Variants in TIAM1 observed in about 807,000 individuals in gnomAD.
The protein encoded by TIAM1 is rho guanine nucleotide exchange factor TIAM1.
Under a neutral mutation model 163.5 loss-of-function variants are expected in TIAM1, and 65 were observed. The observed-to-expected ratio is 0.40, with a 90% confidence interval of 0.33 to 0.49. TIAM1 has a LOEUF of 0.49. Ranked by LOEUF, TIAM1 falls within the 20% of genes least tolerant of loss-of-function variation. The pLI, the probability that TIAM1 is intolerant of heterozygous loss-of-function variation, is 0.77. For synonymous variants in TIAM1, 833 were observed against 810.1 expected (o/e 1.03, Z -0.48); for missense variants, 1,789 against 2,044.7 (o/e 0.87, Z 2.41).
At chr21:31,208,248 A>C (rs1443217695) in intron 11 of TIAM1, among the ~76,000 whole-genome samples, 2 of 152,204 alleles carry the variant, frequency 1.3e-5, no homozygotes, top group African/African-American at 2.4e-5. Flanking sequence ...GTAATCGGAA[A>C]ACTTTGGCTT....
chr21:31,536,376 C>T (rs1255929152), intron 1 of TIAM1, among the ~76,000 whole-genome samples: 1 of 152,172 alleles, frequency 6.6e-6, no homozygotes, highest in Non-Finnish European at 1.5e-5. Flanking sequence ...GGCACCTGCC[C>T]ATGCAAGCGC....
At chr21:31,388,157 T>A (rs1382487528) in intron 2 of TIAM1, among the ~76,000 whole-genome samples, 1 of 151,038 alleles carries the variant, frequency 6.6e-6, no homozygotes, top group Non-Finnish European at 1.5e-5. Flanking sequence ...TAAAGCCCTT[T>A]TCTTAATAAA....
intron 1 of TIAM1, among the ~76,000 whole-genome samples, chr21:31,545,771 C>G (rs909043956): frequency 2.0e-5 from 3 of 152,178 alleles, no homozygotes; most frequent in African/African-American, 4.8e-5. Context: ...CATCTTTGTT[C>G]ACTCTGACAG....
chr21:31,317,409 C>T (rs1047978582), intron 2 of TIAM1, among the ~76,000 whole-genome samples: 7 of 152,034 alleles, frequency 4.6e-5, no homozygotes, highest in African/African-American at 1.4e-4. Flanking sequence ...GCCAAGATCG[C>T]GCCATTGTAC....
intron 1 of TIAM1, among the ~76,000 whole-genome samples, chr21:31,531,953 T>G (rs1004853485): frequency 1.3e-5 from 2 of 151,920 alleles, no homozygotes; most frequent in African/African-American, 4.8e-5. Context: ...CCCATCTCTA[T>G]GAAAAATTAA....
At chr21:31,235,239 A>T (rs550829724) in intron 6 of TIAM1, among the ~76,000 whole-genome samples, 2 of 152,310 alleles carry the variant, frequency 1.3e-5, no homozygotes, top group South Asian at 4.2e-4. Context: ...CCAGGAAAAT[A>T]AGCAATATGA....
chr21:31,426,540 A>G (rs1228118401), intron 2 of TIAM1, among the ~76,000 whole-genome samples: 1 of 152,236 alleles, frequency 6.6e-6, no homozygotes, highest in East Asian at 1.9e-4. Context: ...TCTAAAGGAA[A>G]TATAAAATAG....
intron 2 of TIAM1, among the ~76,000 whole-genome samples, chr21:31,328,843 G>A (rs1388981758): frequency 2.0e-5 from 3 of 151,870 alleles, no homozygotes; most frequent in African/African-American, 7.3e-5. Flanking sequence ...ATGGGGTCTC[G>A]CTATGTTGCT....
At chr21:31,250,916 G>T (rs1161120264) in intron 5 of TIAM1, among the ~76,000 whole-genome samples, 1 of 152,150 alleles carries the variant, frequency 6.6e-6, no homozygotes, top group East Asian at 1.9e-4. Context: ...ATCTACACAT[G>T]CATGTCTGTA....
At chr21:31,156,566 C>G (rs2083630545) in intron 16 of TIAM1, among the ~76,000 whole-genome samples, 1 of 152,156 alleles carries the variant, frequency 6.6e-6, no homozygotes, top group African/African-American at 2.4e-5. Flanking sequence ...ATTTCACTAA[C>G]TCAAAATCAT....
intron 2 of TIAM1, among the ~76,000 whole-genome samples, chr21:31,323,667 C>T (rs924612452): frequency 6.6e-6 from 1 of 151,816 alleles, no homozygotes; most frequent in Non-Finnish European, 1.5e-5. Context: ...CCCGTCTCTA[C>T]TAAAAATAAA....
At position 31,187,002 on chromosome 21, in the gene TIAM1, T is replaced by C. The variant is rs752217221; in HGVS notation, c.2661A>G (p.Lys887=). The C allele has an allele frequency of 4.3e-6, 7 of 1,613,914 alleles. No homozygotes were observed. The Admixed American group carries it at 5.0e-5, about 12-fold the overall frequency. The change falls in exon 14 of 28, where the codon AAA becomes AAG. Residue 887 remains lysine (K), a splice_region_variant and synonymous_variant. Transcript: ENST00000541036. ...ACCAGCCCTCCTTCACTGACTTACC[T>C]TTCTTGGAAGCTAAACCGGTTTCCT... is the stretch of plus-strand genomic sequence containing the variant. ...SVKETGLASK[K]GLKAGDEILE...
At chr21:31,414,491 G>A (rs1229542919) in intron 2 of TIAM1, among the ~76,000 whole-genome samples, 1 of 152,188 alleles carries the variant, frequency 6.6e-6, no homozygotes, top group East Asian at 1.9e-4. Context: ...GGCAGATGGA[G>A]GTGGGAGCAA....
chr21:31,518,052 C>T (rs1424716478), intron 1 of TIAM1, among the ~76,000 whole-genome samples: 1 of 152,114 alleles, frequency 6.6e-6, no homozygotes, highest in Non-Finnish European at 1.5e-5. Context: ...TGCTTTTCTC[C>T]CGTTAATCTG....
In TIAM1 at chr21:31,213,851, T is replaced by C. The variant is rs528994272; in HGVS notation, c.2143-379A>G. 4.8e-3 allele frequency among the ~76,000 whole-genome samples: 582 copies of C among 120,588 alleles called. 2 individuals are homozygous for C. The highest frequency in any genetic ancestry group is 7.9e-3 in the Admixed American group (84 of 10,576). The allele number at this position is 120,588 out of a possible 152,430, so 79.1% of individuals were successfully genotyped here. ...TTGAGACCAGCCTGGGCAATATAGT[T>C]AGACCTCATCTCTACAAAAAAAAAA... On this transcript the variant is annotated intron_variant, in intron 9 of 27. Transcript: ENST00000541036.
chr21:31,365,387 C>CT (rs772457613), intron 2 of TIAM1, among the ~76,000 whole-genome samples: 6,176 of 128,778 alleles, frequency 0.048, 281 homozygotes, highest in African/African-American at 0.097. Flanking sequence ...TTATTTCTTT[C>CT]TTTTTTTTTT....
intron 2 of TIAM1, among the ~76,000 whole-genome samples, chr21:31,333,463 G>T (rs761054891): frequency 6.6e-6 from 1 of 151,898 alleles, no homozygotes; most frequent in Non-Finnish European, 1.5e-5. Flanking sequence ...TTTGCGACAG[G>T]GTCTGGCTCC....
chr21:31,511,561 A>T (rs1263224859), intron 1 of TIAM1, among the ~76,000 whole-genome samples: 2 of 152,212 alleles, frequency 1.3e-5, no homozygotes, highest in African/African-American at 4.8e-5. Context: ...ATGAGGCAAT[A>T]CTTACGCAGC....
intron 23 of TIAM1, among the ~76,000 whole-genome samples, chr21:31,133,410 T>C (rs143343870): frequency 2.8e-4 from 42 of 152,340 alleles, no homozygotes; most frequent in African/African-American, 9.6e-4. Context: ...AGCTGGAGTA[T>C]GCAGTCTCCA....
Sources: allele counts gnomAD v4.1 joint callset (sites outside exome capture counted in the v4.1 genomes callset), GRCh38; gene constraint gnomAD v4.1.1; transcripts MANE v1.5; gene names NCBI Gene and HGNC (gene_info 2026-07-23, HGNC 2026-07-21).